HYDIN: variants seen among roughly 807,000 people sequenced by gnomAD.
HYDIN encodes the protein HYDIN axonemal central pair apparatus protein, also known as axonemal central pair apparatus protein HYDIN.
Under a neutral mutation model 403.9 loss-of-function variants are expected in HYDIN, and 132 were observed. The ratio of observed to expected loss-of-function variants is 0.33; its 90% CI spans 0.28 to 0.38. HYDIN has a LOEUF of 0.38. Among genes scored for constraint, HYDIN ranks in the 10% least tolerant of loss-of-function variants. The pLI is 1.00. For missense variants in HYDIN, 2,827 were observed against 5,009.5 expected, an observed-to-expected ratio of 0.56 and a Z score of 13.15; for synonymous variants, 1,202 against 1,891.7, an observed-to-expected ratio of 0.64 and a Z score of 9.46.
intron 1 of HYDIN, among the ~76,000 whole-genome samples, chr16:71,220,307 G>T (rs1468393802): frequency 6.6e-6 from 1 of 152,138 alleles, no homozygotes; most frequent in African/African-American, 2.4e-5. Flanking sequence ...CTACTAAGGG[G>T]TAATAACTTC....
chr16:71,199,372 A>G (rs980687838), intron 1 of HYDIN, among the ~76,000 whole-genome samples: 1 of 152,130 alleles, frequency 6.6e-6, no homozygotes, highest in African/African-American at 2.4e-5. Flanking sequence ...ACCCAAAGAG[A>G]TGGGGGTTCA....
intron 10 of HYDIN, 80 bp from the exon 11 acceptor site, chr16:71,094,015 T>C: frequency 2.6e-6 from 3 of 1,165,112 alleles, no homozygotes; most frequent in African/African-American, 1.5e-5. Flanking sequence ...ACGTTACCAA[T>C]ATAAATAATC....
chr16:70,885,914 G>C (rs2041102231), intron 58 of HYDIN, among the ~76,000 whole-genome samples: 1 of 151,316 alleles, frequency 6.6e-6, no homozygotes, highest in African/African-American at 2.5e-5. Context: ...TTCATAGAGT[G>C]CAGAATACCT....
At chr16:70,874,979 CT>C in intron 62 of HYDIN, 60 bp from the exon 63 acceptor site, 1 of 1,427,120 alleles carries the variant, frequency 7.0e-7, no homozygotes, top group Non-Finnish European at 9.3e-7. Flanking sequence ...GGCTTTGAGT[CT>C]GGGGTGAGAT....
chr16:70,847,573 A>T (rs1420854154), intron 75 of HYDIN, among the ~76,000 whole-genome samples: 1 of 152,068 alleles, frequency 6.6e-6, no homozygotes, highest in African/African-American at 2.4e-5. Context: ...GAATAATGGG[A>T]ACTATTTAGA....
At chr16:70,831,000 T>C (rs371747116) in intron 80 of HYDIN, among the ~76,000 whole-genome samples, 1 of 151,494 alleles carries the variant, frequency 6.6e-6, no homozygotes, top group Non-Finnish European at 1.5e-5. Flanking sequence ...GGTCTCACTA[T>C]GTTGCCCACG....
intron 68 of HYDIN, among the ~76,000 whole-genome samples, chr16:70,862,464 C>A (rs552823454): frequency 1.2e-4 from 13 of 105,824 alleles, no homozygotes; most frequent in Non-Finnish European, 2.1e-4. Context: ...TCTATTTATT[C>A]CATAGGGTTT....
chr16:71,127,746 G>C (rs1278948872), intron 9 of HYDIN, among the ~76,000 whole-genome samples: 1 of 152,206 alleles, frequency 6.6e-6, no homozygotes, highest in Non-Finnish European at 1.5e-5. Flanking sequence ...AACCTTACCA[G>C]TATGTTTAAG....
At chr16:71,193,544 G>A (rs539184732) in intron 1 of HYDIN, among the ~76,000 whole-genome samples, 8 of 152,228 alleles carry the variant, frequency 5.3e-5, no homozygotes, top group East Asian at 3.9e-4. Context: ...AAAAAGAAAC[G>A]TTTTAGAGTA....
rs1487343894 is a variant in HYDIN at position 70,830,285 on chromosome 16, AGAGCCTGAGT to A, written c.13900-465_13900-456del. 2.8e-5 allele frequency among the ~76,000 whole-genome samples: 4 copies of A among 144,712 alleles called. No homozygotes were observed. The East Asian group carries it at 8.1e-4, about 29-fold the overall frequency. The allele number at this position is 144,712 out of a possible 152,430, so 94.9% of individuals were successfully genotyped here. On this transcript the variant is annotated intron_variant, in intron 80 of 85. Transcript: ENST00000393567. ...GGATGAAGTAGGGGAGACCTGGGGA[AGAGCCTGAGT>A]GAGCCTGAGTGTAACTGGCAGAGGA...
intron 3 of HYDIN, among the ~76,000 whole-genome samples, chr16:71,183,608 G>A (rs2087000641): frequency 6.6e-6 from 1 of 152,050 alleles, no homozygotes; most frequent in African/African-American, 2.4e-5. Context: ...TAGGGAAAAT[G>A]CCTGCAAAGC....
intron 31 of HYDIN, 123 bp from the exon 32 acceptor site, chr16:70,974,793 A>T: frequency 2.8e-6 from 2 of 704,044 alleles, no homozygotes; most frequent in Non-Finnish European, 4.7e-6. Flanking sequence ...AGAGTGGAGA[A>T]CAACAAATGG....
intron 5 of HYDIN, among the ~76,000 whole-genome samples, chr16:71,174,416 T>C (rs1011901563): frequency 6.6e-6 from 1 of 152,200 alleles, no homozygotes; most frequent in Non-Finnish European, 1.5e-5. Flanking sequence ...GACTCCACTG[T>C]GCTCTACTGA....
intron 46 of HYDIN, among the ~76,000 whole-genome samples, chr16:70,918,868 TC>T (rs1377228506): frequency 1.5e-5 from 2 of 136,368 alleles, no homozygotes; most frequent in Non-Finnish European, 3.1e-5. Context: ...CATTTATTCC[TC>T]CAGCATTTTC....
chr16:70,897,283 T>G (rs1261454231), intron 53 of HYDIN, among the ~76,000 whole-genome samples: 1 of 152,032 alleles, frequency 6.6e-6, no homozygotes, highest in African/African-American at 2.4e-5. Context: ...TGGGGGAAGC[T>G]CTCCTGGGTC....
intron 45 of HYDIN, among the ~76,000 whole-genome samples, chr16:70,928,361 T>C (rs1433181760): frequency 3.9e-5 from 6 of 151,952 alleles, no homozygotes; most frequent in Non-Finnish European, 7.4e-5. Context: ...GAGGCTGAGG[T>C]GGGAAGATCA....
At chr16:70,989,126 T>A (rs1464071065) in intron 25 of HYDIN, among the ~76,000 whole-genome samples, 1 of 152,186 alleles carries the variant, frequency 6.6e-6, no homozygotes, top group East Asian at 1.9e-4. Flanking sequence ...TGCAGTGGCA[T>A]GATCAGAGCT....
chr16:71,179,178 C>G, intron 3 of HYDIN, 131 bp from the exon 4 acceptor site: 2 of 596,748 alleles, frequency 3.4e-6, no homozygotes, highest in Non-Finnish European at 5.6e-6. Flanking sequence ...GAAATCCATA[C>G]CCAAGTACAT....
At chr16:70,891,409 G>A (rs1394794121) in intron 57 of HYDIN, among the ~76,000 whole-genome samples, 1 of 152,174 alleles carries the variant, frequency 6.6e-6, no homozygotes, top group East Asian at 1.9e-4. Context: ...GGCTGGTCTC[G>A]ACCTCCTGAT....
Sources: gnomAD v4.1 joint callset for allele counts (sites outside exome capture counted in the v4.1 genomes callset) on GRCh38, gnomAD v4.1.1 for gene constraint, MANE v1.5 for transcripts, NCBI Gene and HGNC (gene_info 2026-07-23, HGNC 2026-07-21) for gene names.